Variants in APBB1IP observed in about 807,000 individuals in gnomAD.
APBB1IP encodes amyloid beta precursor protein binding family B member 1 interacting protein, also known as amyloid beta A4 precursor protein-binding family B member 1-interacting protein.
A neutral mutation model predicts 64.9 loss-of-function variants in APBB1IP; 27 were observed. That is an observed-to-expected ratio of 0.42 (90% CI 0.31 to 0.57). The LOEUF (loss-of-function observed/expected upper bound fraction) is 0.57, where lower values mean the gene tolerates loss of function less well. APBB1IP is among the 20% of genes least tolerant of loss of function. APBB1IP has a pLI of 0.20. For missense variants in APBB1IP, 812 were observed against 845.5 expected (o/e 0.96, Z 0.49); for synonymous variants, 392 against 331.0 (o/e 1.18, Z -2.00).
At chr10:26,438,996 C>A (rs1185764478) in intron 2 of APBB1IP, 143 bp downstream of exon 2, 6 of 152,238 alleles carry the variant, frequency 3.9e-5, no homozygotes, top group Non-Finnish European at 8.8e-5. Context: ...TGCCCCCAGG[C>A]GTGGCCCTCG....
intron 2 of APBB1IP, among the ~76,000 whole-genome samples, chr10:26,487,437 A>T (rs567422817): frequency 4.7e-4 from 72 of 152,288 alleles, no homozygotes; most frequent in Admixed American, 3.9e-4. Flanking sequence ...ACTGCCCTGA[A>T]GTCAAATGTC....
intron 11 of APBB1IP, among the ~76,000 whole-genome samples, chr10:26,551,356 C>T (rs568268466): frequency 3.3e-5 from 5 of 152,232 alleles, no homozygotes; most frequent in South Asian, 2.1e-4. Flanking sequence ...GTGTGGGTAC[C>T]GCAGTGGCTC....
chr10:26,477,586 T>C (rs1199306669), intron 2 of APBB1IP, among the ~76,000 whole-genome samples: 1 of 152,250 alleles, frequency 6.6e-6, no homozygotes, highest in Non-Finnish European at 1.5e-5. Context: ...TTGTCTCTTC[T>C]ACTGCTCTCT....
chr10:26,512,076 C>T (rs966246548), intron 7 of APBB1IP, among the ~76,000 whole-genome samples, 170 bp downstream of exon 7: 1 of 152,154 alleles, frequency 6.6e-6, no homozygotes, highest in Non-Finnish European at 1.5e-5. Context: ...GCGATCCTCC[C>T]ACCTGGGCCT....
intron 11 of APBB1IP, among the ~76,000 whole-genome samples, chr10:26,558,262 C>A (rs923049469): frequency 6.6e-6 from 1 of 152,168 alleles, no homozygotes; most frequent in Admixed American, 6.5e-5. Flanking sequence ...ATATTAATAT[C>A]TCAGAACCTA....
chr10:26,439,230 G>A (rs1488054068), intron 2 of APBB1IP, among the ~76,000 whole-genome samples: 4 of 152,088 alleles, frequency 2.6e-5, no homozygotes, highest in Non-Finnish European at 4.4e-5. Context: ...GCAGGTCCGG[G>A]AGCCCCAGTC....
In APBB1IP at chr10:26,473,994, T is replaced by G. The variant is rs1835748190; in HGVS notation, c.1-18333T>G. ...TCCAGCCTGGGTGACAGAGCCACCC[T>G]GTCTCAAAAAAAAAAAAAAAAAAAA... On this transcript the variant is annotated intron_variant, in intron 2 of 14. Transcript: ENST00000376236. Among the ~76,000 whole-genome samples the G allele has an allele frequency of 3.8e-5, 5 of 133,072 alleles. No homozygotes were observed. The South Asian group carries it at 1.2e-3, about 32-fold the overall frequency. The allele number at this position is 133,072 out of a possible 152,430, so 87.3% of individuals were successfully genotyped here.
chr10:26,538,529 T>C (rs1277619455), intron 10 of APBB1IP, among the ~76,000 whole-genome samples: 1 of 150,020 alleles, frequency 6.7e-6, no homozygotes, highest in Non-Finnish European at 1.5e-5. Flanking sequence ...TAATCCCAGC[T>C]ACTCGGGAGG....
chr10:26,439,958 T>C (rs909275912), intron 2 of APBB1IP, among the ~76,000 whole-genome samples: 2 of 152,216 alleles, frequency 1.3e-5, no homozygotes, highest in African/African-American at 2.4e-5. Flanking sequence ...AGGACGATGA[T>C]GCTGGCTGGC....
At chr10:26,566,688 G>A (rs759644703) in intron 14 of APBB1IP, among the ~76,000 whole-genome samples, 1 of 152,076 alleles carries the variant, frequency 6.6e-6, no homozygotes, top group Non-Finnish European at 1.5e-5. Context: ...GCTCCCCAGG[G>A]GGCGGACAGA....
At chr10:26,483,947 T>A (rs1356458104) in intron 2 of APBB1IP, among the ~76,000 whole-genome samples, 1 of 152,190 alleles carries the variant, frequency 6.6e-6, no homozygotes. Context: ...CTTTTCATTC[T>A]CAGTGCTCTG....
At chr10:26,557,588 C>T (rs943210928) in intron 11 of APBB1IP, among the ~76,000 whole-genome samples, 4 of 152,144 alleles carry the variant, frequency 2.6e-5, no homozygotes, top group Non-Finnish European at 5.9e-5. Flanking sequence ...CACAGAAATT[C>T]TAGGTGGTTA....
At chr10:26,527,635 G>A (rs1262118288) in intron 8 of APBB1IP, among the ~76,000 whole-genome samples, 1 of 148,380 alleles carries the variant, frequency 6.7e-6, no homozygotes, top group African/African-American at 2.5e-5. Flanking sequence ...CAGGCTCCCT[G>A]TCCTTAGCTC....
intron 11 of APBB1IP, among the ~76,000 whole-genome samples, chr10:26,559,146 G>T (rs1219203487): frequency 6.6e-6 from 1 of 152,198 alleles, no homozygotes; most frequent in Non-Finnish European, 1.5e-5. Flanking sequence ...TCTCAGGTAA[G>T]TTCCCTTATT....
intron 2 of APBB1IP, among the ~76,000 whole-genome samples, chr10:26,441,964 G>T (rs1412082955): frequency 6.6e-6 from 1 of 152,202 alleles, no homozygotes; most frequent in Non-Finnish European, 1.5e-5. Flanking sequence ...AAAGCACAGA[G>T]AGGGTAAGAA....
chr10:26,519,394 T>A (rs1311860904), intron 8 of APBB1IP, among the ~76,000 whole-genome samples: 1 of 152,070 alleles, frequency 6.6e-6, no homozygotes, highest in Non-Finnish European at 1.5e-5. Context: ...AAACTTTCAA[T>A]CATGGCAGAG....
chr10:26,480,323 G>A (rs560047949), intron 2 of APBB1IP, among the ~76,000 whole-genome samples: 1 of 152,286 alleles, frequency 6.6e-6, no homozygotes, highest in African/African-American at 2.4e-5. Flanking sequence ...GTTGTGTGCT[G>A]CTGCTGGGGT....
chr10:26,440,593 C>A (rs938353773), intron 2 of APBB1IP, among the ~76,000 whole-genome samples: 1 of 152,106 alleles, frequency 6.6e-6, no homozygotes. Context: ...ATTTTGAAAT[C>A]TTTAAATTGC....
chr10:26,469,187 T>G (rs548334652), intron 2 of APBB1IP, among the ~76,000 whole-genome samples: 1 of 151,908 alleles, frequency 6.6e-6, no homozygotes, highest in African/African-American at 2.4e-5. Flanking sequence ...TGTATAGCTG[T>G]ACAAAAATAT....
Sources: gnomAD v4.1 joint callset for allele counts (sites outside exome capture counted in the v4.1 genomes callset) on GRCh38, gnomAD v4.1.1 for gene constraint, MANE v1.5 for transcripts, NCBI Gene and HGNC (gene_info 2026-07-23, HGNC 2026-07-21) for gene names.